The following SLC37A3 variants were observed in gnomAD, a reference collection of about 807,000 sequenced individuals.
SLC37A3 encodes the protein sugar phosphate exchanger 3.
SLC37A3 carries 51 observed loss-of-function variants against 67.1 expected under a neutral mutation model. That is an observed-to-expected ratio of 0.76 (90% CI 0.61 to 0.96). The LOEUF (loss-of-function observed/expected upper bound fraction) is 0.96. Ranked by LOEUF, SLC37A3 falls within the 40% of genes least tolerant of loss-of-function variation. The pLI, the probability that SLC37A3 is intolerant of heterozygous loss-of-function variation, is 0.00. For synonymous variants in SLC37A3, 214 were observed against 231.4 expected (o/e 0.92, Z 0.68); for missense variants, 508 against 603.0 (o/e 0.84, Z 1.65).
chr7:140,356,511 G>A (rs1279675306), intron 6 of SLC37A3, among the ~76,000 whole-genome samples: 3 of 151,714 alleles, frequency 2.0e-5, no homozygotes, highest in African/African-American at 7.3e-5. Flanking sequence ...GCGAAACCCC[G>A]TCTCTACTAA....
chr7:140,369,515 C>T, intron 4 of SLC37A3, 75 bp downstream of exon 4: 2 of 1,248,890 alleles, frequency 1.6e-6, no homozygotes, highest in Non-Finnish European at 2.3e-6. Context: ...AAATCCCTTA[C>T]AAATTTTGTA....
intron 3 of SLC37A3, among the ~76,000 whole-genome samples, chr7:140,374,314 T>C (rs1209266368): frequency 6.6e-6 from 1 of 151,936 alleles, no homozygotes; most frequent in African/African-American, 2.4e-5. Flanking sequence ...CTGGCCAACA[T>C]GGCAAAACCC....
At chr7:140,378,686 G>A (rs899658444) in intron 3 of SLC37A3, among the ~76,000 whole-genome samples, 9 of 149,714 alleles carry the variant, frequency 6.0e-5, no homozygotes, top group East Asian at 3.9e-4. Context: ...GCAGTGAGCC[G>A]AGATCATGCC....
At chr7:140,337,094 G>A (rs1399096236) in intron 14 of SLC37A3, among the ~76,000 whole-genome samples, 190 bp downstream of exon 14, 1 of 91,434 alleles carries the variant, frequency 1.1e-5, no homozygotes, top group Admixed American at 1.4e-4. Flanking sequence ...GCGAGACTCT[G>A]CCTCAAAAAA....
rs1342928921 is a variant in SLC37A3, at chr7:140,348,709, G to A, written c.941C>T (p.Pro314Leu). The change falls in exon 10 of 15, where the codon CCC becomes CTC. Residue 314 changes from proline to leucine, a missense_variant. By Grantham distance (98) the Pro-to-Leu change is moderately conservative. Transcript: ENST00000326232. ...LVNYSFFFWL[P>L]FYLSNNFGWK... ...GCCGAAGTTGTTACTCAGATAAAAGGGGAGCCAGAAGAAGAAGGAGTAATT... is the reference window on the plus strand; with the variant it reads ...GCCGAAGTTGTTACTCAGATAAAAGAGGAGCCAGAAGAAGAAGGAGTAATT... 2 of 1,614,116 alleles carry A rather than the reference G, an allele frequency of 1.2e-6. No individual in the cohort carries two copies. Among genetic ancestry groups the A allele is most frequent in the Non-Finnish European group, 1.7e-6 (2 of 1,180,032 alleles).
chr7:140,339,188 A>G (rs949674159), intron 13 of SLC37A3, among the ~76,000 whole-genome samples: 19 of 151,814 alleles, frequency 1.3e-4, no homozygotes, highest in African/African-American at 4.1e-4. Context: ...GATGGACCCA[A>G]GTTGTTTCCA....
intron 5 of SLC37A3, among the ~76,000 whole-genome samples, chr7:140,362,309 C>T (rs2117148999): frequency 1.4e-5 from 2 of 140,576 alleles, no homozygotes; most frequent in Middle Eastern, 3.8e-3. Flanking sequence ...AAACCCTCTG[C>T]CTGGCAACCG....
At position 140,347,478 on chromosome 7, in the gene SLC37A3, A is replaced by G. The variant is rs535424045; in HGVS notation, c.1024+1148T>C. Among the ~76,000 whole-genome samples the G allele has an allele frequency of 2.9e-3, 438 of 152,270 alleles. 1 individual carries two copies. Among genetic ancestry groups the G allele is most frequent in the African/African-American group, 8.3e-3 (345 of 41,564 alleles). Reference sequence around the variant, plus strand: ...ATTTCAACTTCAGAGGATACAGAATATGGTGAGGTCTAACGGTGGCAACCT... The same window carrying G: ...ATTTCAACTTCAGAGGATACAGAATGTGGTGAGGTCTAACGGTGGCAACCT... On this transcript the variant is annotated intron_variant, in intron 10 of 14. Transcript: ENST00000326232.
chr7:140,364,258 G>A (rs1175703230), intron 5 of SLC37A3, 150 bp downstream of exon 5: 57 of 510,098 alleles, frequency 1.1e-4, no homozygotes, highest in African/African-American at 1.7e-4. Flanking sequence ...TCTCGGGGGG[G>A]AAAAAAAAGA....
At position 140,362,904 on chromosome 7, in the gene SLC37A3, G is replaced by A. The variant is rs1294478590; in HGVS notation, c.375+1504C>T. Among the ~76,000 whole-genome samples, 3 of 69,230 alleles carry A rather than the reference G, an allele frequency of 4.3e-5. 1 individual carries two copies. The highest frequency in any genetic ancestry group is 9.7e-5 in the Non-Finnish European group (3 of 30,920). The allele number at this position is 69,230 out of a possible 152,430, so 45.4% of individuals were successfully genotyped here. ...GCCGCCCCGTCCGGGAGGGAGGCGG[G>A]GGGGGGGGTCGGCCAGCCGCCCTGT... is the stretch of plus-strand genomic sequence containing the variant. On this transcript the variant is annotated intron_variant, in intron 5 of 14. Coordinates refer to ENST00000326232, the MANE Select transcript of SLC37A3 (RefSeq NM_207113.3).
At chr7:140,364,358 G>T in intron 5 of SLC37A3, 50 bp downstream of exon 5, 2 of 1,518,332 alleles carry the variant, frequency 1.3e-6, no homozygotes, top group Middle Eastern at 1.7e-4. Context: ...AGATTACTTA[G>T]ATTCTAAAAT....
intron 10 of SLC37A3, among the ~76,000 whole-genome samples, chr7:140,347,637 A>G (rs1348747892): frequency 1.3e-5 from 2 of 152,142 alleles, no homozygotes; most frequent in Non-Finnish European, 2.9e-5. Context: ...TGTTAACATT[A>G]TTGAAGGTTA....
intron 5 of SLC37A3, among the ~76,000 whole-genome samples, 157 bp downstream of exon 5, chr7:140,364,251 C>CG (rs11266814): frequency 2.8e-4 from 42 of 149,788 alleles, no homozygotes; most frequent in Middle Eastern, 3.4e-3. Context: ...GATTCTGTCT[C>CG]GGGGGGGAAA....
chr7:140,388,381 C>T (rs552990944), intron 1 of SLC37A3, among the ~76,000 whole-genome samples: 13 of 149,844 alleles, frequency 8.7e-5, no homozygotes, highest in Non-Finnish European at 1.8e-4. Context: ...TTCAGTGAGC[C>T]GAGATTGTGC....
intron 10 of SLC37A3, chr7:140,348,315 T>G (rs1796650246): frequency 4.8e-6 from 1 of 208,896 alleles, no homozygotes; most frequent in Admixed American, 6.0e-5. Flanking sequence ...AAGGATTGCA[T>G]TTAAAGAGAT....
chr7:140,337,370 AT>A, intron 13 of SLC37A3, 21 bp from the exon 14 acceptor site: 1 of 1,549,912 alleles, frequency 6.5e-7, no homozygotes, highest in Non-Finnish European at 8.7e-7. Flanking sequence ...GGAAAAAAAA[AT>A]TACAATATAA....
chr7:140,348,720 G>T lies in SLC37A3; in HGVS notation c.930C>A (p.Phe310Leu), dbSNP rs752897647. The T allele has an allele frequency of 1.1e-5, 17 of 1,614,126 alleles. No homozygotes were observed. In the South Asian group the frequency reaches 1.8e-4, roughly 17 times the overall value. ...ACLKLVNYSF[F>L]FWLPFYLSNN... Reference sequence around the variant, plus strand: ...TACTCAGATAAAAGGGGAGCCAGAAGAAGAAGGAGTAATTCACTAACTTCA... The same window carrying T: ...TACTCAGATAAAAGGGGAGCCAGAATAAGAAGGAGTAATTCACTAACTTCA... Residue 310 changes from phenylalanine to leucine, a missense_variant, in exon 10 of 15, where the codon TTC (phenylalanine) becomes TTA (leucine). Coordinates refer to ENST00000326232, the MANE Select transcript of SLC37A3 (RefSeq NM_207113.3).
intron 1 of SLC37A3, among the ~76,000 whole-genome samples, chr7:140,388,074 T>C (rs1390769660): frequency 2.0e-5 from 3 of 149,334 alleles, no homozygotes; most frequent in Admixed American, 1.4e-4. Flanking sequence ...TTGTATCCTT[T>C]GGCCAACATC....
chr7:140,368,865 G>A (rs374079806), intron 4 of SLC37A3, among the ~76,000 whole-genome samples: 13 of 152,114 alleles, frequency 8.5e-5, no homozygotes, highest in Admixed American at 1.3e-4. Flanking sequence ...CCAAAACACC[G>A]CTAAAATCTA....
Sources: allele counts gnomAD v4.1 joint callset (sites outside exome capture counted in the v4.1 genomes callset), GRCh38; gene constraint gnomAD v4.1.1; transcripts MANE v1.5; gene names NCBI Gene and HGNC (gene_info 2026-07-23, HGNC 2026-07-21).